The following SEMA6D variants were observed in gnomAD, a reference collection of about 807,000 sequenced individuals.
SEMA6D encodes the protein semaphorin-6D.
SEMA6D carries 35 observed loss-of-function variants against 106.6 expected under a neutral mutation model. The observed-to-expected ratio is 0.33, with a 90% confidence interval of 0.25 to 0.44. The LOEUF (loss-of-function observed/expected upper bound fraction) is 0.44. Ranked by LOEUF, SEMA6D falls within the 20% of genes least tolerant of loss-of-function variation. The probability of loss-of-function intolerance (pLI) is 1.00; values close to 1 mark genes in which losing one functional copy is unlikely to be tolerated. For synonymous variants in SEMA6D, 499 were observed against 487.7 expected (o/e 1.02, Z -0.31); for missense variants, 1,185 against 1,345.9 (o/e 0.88, Z 1.87).
upstream of SEMA6D, among the ~76,000 whole-genome samples, chr15:47,716,846 T>C (rs956684289): frequency 6.6e-6 from 1 of 150,634 alleles, no homozygotes; most frequent in African/African-American, 2.4e-5. Context: ...TAGTAGGCAA[T>C]TTCTGTATTT....
intron 1 of SEMA6D, among the ~76,000 whole-genome samples, chr15:47,724,092 A>T (rs1153823): frequency 0.93 from 141,627 of 152,310 alleles, 66,402 homozygotes; most frequent in Non-Finnish European, 0.96. Context: ...CTTTGCAAGC[A>T]TTTTTTGGTC....
rs748795157 is a variant in SEMA6D at position 47,771,821 on chromosome 15, G to A, written c.*36G>A. On this transcript the variant is annotated 3_prime_UTR_variant, in exon 19 of 19. Transcript: ENST00000536845. The stretch of plus-strand genomic sequence containing the variant: ...TGCTATTCCCATGTGGCTTTATCCT[G>A]TCCGTGTTGTTGAGAGGATGATGTT... 3.2e-6 allele frequency: 5 copies of A among 1,565,320 alleles called. No homozygotes were observed. The highest frequency in any genetic ancestry group is 1.2e-5 in the South Asian group (1 of 85,148).
chr15:47,687,349 G>C (rs1008359727), intron 4 of SEMA6D, among the ~76,000 whole-genome samples: 1 of 152,132 alleles, frequency 6.6e-6, no homozygotes, highest in Non-Finnish European at 1.5e-5. Context: ...AAATTAAAAT[G>C]TGTGGCCAAG....
At chr15:47,353,594 G>A (rs2038418036) in intron 1 of SEMA6D, among the ~76,000 whole-genome samples, 1 of 152,012 alleles carries the variant, frequency 6.6e-6, no homozygotes, top group South Asian at 2.1e-4. Flanking sequence ...TTAATACCAT[G>A]TTACATCTCC....
chr15:47,589,255 A>G (rs987491761), intron 3 of SEMA6D, among the ~76,000 whole-genome samples: 1 of 152,150 alleles, frequency 6.6e-6, no homozygotes. Context: ...GGGTACATGG[A>G]TGGGAAATAC....
At chr15:47,464,196 G>C (rs1201144113) in intron 2 of SEMA6D, among the ~76,000 whole-genome samples, 1 of 151,978 alleles carries the variant, frequency 6.6e-6, no homozygotes, top group Non-Finnish European at 1.5e-5. Context: ...CTTTTTTTTA[G>C]CTACAATCCC....
intron 2 of SEMA6D, among the ~76,000 whole-genome samples, chr15:47,452,000 T>C (rs985893529): frequency 2.6e-5 from 4 of 152,030 alleles, no homozygotes; most frequent in Non-Finnish European, 5.9e-5. Context: ...TCGCGTCTTT[T>C]TGTGAAGGCC....
intron 3 of SEMA6D, among the ~76,000 whole-genome samples, chr15:47,487,373 A>C (rs1447925494): frequency 6.6e-6 from 1 of 152,166 alleles, no homozygotes; most frequent in Non-Finnish European, 1.5e-5. Context: ...CAGCATAAAA[A>C]TTCGTGTCTT....
intron 3 of SEMA6D, among the ~76,000 whole-genome samples, chr15:47,552,038 AC>A (rs1367670269): frequency 6.6e-6 from 1 of 151,372 alleles, no homozygotes; most frequent in African/African-American, 2.5e-5. Context: ...AAGGAAACAG[AC>A]AAAAAAAAAG....
At chr15:47,239,428 G>A (rs575558284) in intron 1 of SEMA6D, among the ~76,000 whole-genome samples, 2 of 152,190 alleles carry the variant, frequency 1.3e-5, no homozygotes, top group Non-Finnish European at 2.9e-5. Context: ...TTTTTTCATG[G>A]TCTGTGGAAA....
intron 1 of SEMA6D, chr15:47,730,095 A>T (rs991987872): frequency 2.5e-6 from 2 of 799,224 alleles, no homozygotes; most frequent in Non-Finnish European, 4.0e-6. Flanking sequence ...AGGAAAATTT[A>T]TATTATTTTA....
chr15:47,489,049 A>C (rs529452686), intron 3 of SEMA6D, among the ~76,000 whole-genome samples: 1 of 152,282 alleles, frequency 6.6e-6, no homozygotes, highest in Non-Finnish European at 1.5e-5. Flanking sequence ...CACAGGAAAA[A>C]TCAAGTGAAG....
chr15:47,221,016 A>G (rs1463164016), intron 1 of SEMA6D, among the ~76,000 whole-genome samples: 1 of 152,124 alleles, frequency 6.6e-6, no homozygotes, highest in East Asian at 1.9e-4. Flanking sequence ...TAATGGGCTA[A>G]TTTTTCTGCT....
intron 1 of SEMA6D, among the ~76,000 whole-genome samples, chr15:47,341,567 A>G (rs2037813220): frequency 6.6e-6 from 1 of 152,118 alleles, no homozygotes; most frequent in Non-Finnish European, 1.5e-5. Context: ...CCCATCTATA[A>G]TATAGGGATA....
chr15:47,537,247 G>A (rs1388328594), intron 3 of SEMA6D, among the ~76,000 whole-genome samples: 2 of 152,208 alleles, frequency 1.3e-5, no homozygotes, highest in East Asian at 1.9e-4. Context: ...ATCATGGCTA[G>A]GAGGGATGGG....
intron 2 of SEMA6D, among the ~76,000 whole-genome samples, chr15:47,460,375 T>G (rs1284302158): frequency 1.3e-5 from 2 of 152,084 alleles, no homozygotes; most frequent in Non-Finnish European, 2.9e-5. Flanking sequence ...CAAGCAGTGA[T>G]CAATGAAGTT....
chr15:47,630,595 T>C (rs1345180189), intron 4 of SEMA6D, among the ~76,000 whole-genome samples: 3 of 151,784 alleles, frequency 2.0e-5, no homozygotes, highest in Admixed American at 6.6e-5. Flanking sequence ...TTTCTTCTTC[T>C]TGCCTTATTG....
chr15:47,220,946 A>T (rs188513113), intron 1 of SEMA6D, among the ~76,000 whole-genome samples: 1 of 152,228 alleles, frequency 6.6e-6, no homozygotes, highest in East Asian at 1.9e-4. Context: ...GCATTCAATA[A>T]CCACAATGTT....
At chr15:47,357,746 A>G (rs949030154) in intron 1 of SEMA6D, among the ~76,000 whole-genome samples, 10 of 152,180 alleles carry the variant, frequency 6.6e-5, no homozygotes, top group African/African-American at 2.2e-4. Context: ...TCCTTTGGCA[A>G]CACCCTCACA....
Sources: allele counts gnomAD v4.1 joint callset (sites outside exome capture counted in the v4.1 genomes callset), GRCh38; gene constraint gnomAD v4.1.1; transcripts MANE v1.5; gene names NCBI Gene and HGNC (gene_info 2026-07-23, HGNC 2026-07-21).